The following COL4A3 variants were observed in gnomAD, a reference collection of about 807,000 sequenced individuals.
The protein encoded by COL4A3 is collagen type IV alpha 3 chain.
A neutral mutation model predicts 217.4 loss-of-function variants in COL4A3; 135 were observed. The observed-to-expected ratio is 0.62, with a 90% CI of 0.54 to 0.72. The LOEUF is 0.72. Among genes scored for constraint, COL4A3 ranks in the 30% least tolerant of loss-of-function variants. The probability of loss-of-function intolerance (pLI) is 0.00; values close to 1 mark genes in which losing one functional copy is unlikely to be tolerated. For missense variants in COL4A3, 1,868 were observed against 2,119.9 expected (o/e 0.88, Z 2.33); for synonymous variants, 690 against 736.3 (o/e 0.94, Z 1.02).
Position 227,240,110 on chromosome 2 carries a change from T to C in COL4A3, c.145-33T>C, listed in dbSNP as rs984995489. 47 of 1,533,478 alleles carry C rather than the reference T, an allele frequency of 3.1e-5. 1 individual carries two copies. Among genetic ancestry groups the C allele is most frequent in the Non-Finnish European group, 4.2e-5 (47 of 1,120,192 alleles). The allele number at this position is 1,533,478 out of a possible 1,614,324, so 95.0% of individuals were successfully genotyped here. A position where few individuals can be genotyped will look rare whatever the true frequency, so the allele number is the denominator to read the frequency against. On this transcript the variant is annotated intron_variant, in intron 2 of 51. Coordinates refer to ENST00000396578, the MANE Select transcript of COL4A3 (RefSeq NM_000091.5). ...GTTTATTGTGGGATAGTTGCTGCTCTGTGTGTTTCTCACCTCGTTTTGGTT... is the reference window on the plus strand; with the variant it reads ...GTTTATTGTGGGATAGTTGCTGCTCCGTGTGTTTCTCACCTCGTTTTGGTT...
intron 1 of COL4A3, chr2:227,227,690 C>T (rs6756898): frequency 0.71 from 107,093 of 151,768 alleles, 38,333 homozygotes; most frequent in Admixed American, 0.79. Flanking sequence ...GAGCTTATAA[C>T]AGTACCTCCC....
In COL4A3 at chr2:227,253,578, A is replaced by AG; in HGVS notation, c.707dup (p.Pro237ThrfsTer17). The AG allele has an allele frequency of 6.2e-7, 1 of 1,614,064 alleles. No individual in the cohort carries two copies. The highest frequency in any genetic ancestry group is 8.5e-7 in the Non-Finnish European group (1 of 1,179,918). ...GTCTTTAGGGTGTGAAAGGGTTAAC[A>AG]GGACCCCCGGGACCACCAGGAACAG... On this transcript the variant is annotated frameshift_variant, in exon 13 of 52. Transcript: ENST00000396578. LOFTEE classifies it high-confidence loss of function. This position sits in a 1 kb window ranked among gnomAD's most constrained non-coding sequence, Gnocchi z 4.4.
At chr2:227,171,476 A>G (rs1407463952) in intron 1 of COL4A3, among the ~76,000 whole-genome samples, 1 of 152,180 alleles carries the variant, frequency 6.6e-6, no homozygotes, top group African/African-American at 2.4e-5. Context: ...TTGAGGTGTT[A>G]AATAACTGAC....
intron 1 of COL4A3, among the ~76,000 whole-genome samples, chr2:227,215,319 T>C (rs907456578): frequency 1.3e-5 from 2 of 152,114 alleles, no homozygotes; most frequent in African/African-American, 4.8e-5. Context: ...ACTTCCAGAA[T>C]TTCTGTGCAT....
chr2:227,164,862 C>T lies in COL4A3; in HGVS notation c.87+49C>T, dbSNP rs954183558. The T allele has an allele frequency of 2.1e-6, 3 of 1,450,088 alleles. No individual in the cohort carries two copies. Among genetic ancestry groups the T allele is most frequent in the African/African-American group, 3.0e-5 (2 of 67,180 alleles). 89.8% of individuals were successfully genotyped at this position (1,450,088 alleles called of 1,614,324 possible). On this transcript the variant is annotated intron_variant, in intron 1 of 51. Transcript: ENST00000396578. The surrounding 1 kb of genome is among the most constrained non-coding windows in gnomAD (Gnocchi z 4.8). ...CACCCCCGCACTTCCATCCCTCCTC[C>T]ACGCGTCCGGGGGACGCGCTGGCCC...
At chr2:227,248,204 T>C (rs934950698) in intron 8 of COL4A3, 2 of 426,942 alleles carry the variant, frequency 4.7e-6, no homozygotes, top group African/African-American at 4.1e-5. Flanking sequence ...TCTCCCAAAG[T>C]GCTGGGATTA....
chr2:227,237,081 G>A (rs2068744748), intron 1 of COL4A3, among the ~76,000 whole-genome samples: 1 of 152,170 alleles, frequency 6.6e-6, no homozygotes, highest in African/African-American at 2.4e-5. Context: ...TGAGGGCTGG[G>A]GGGTAAGTGT....
intron 1 of COL4A3, among the ~76,000 whole-genome samples, chr2:227,185,904 T>C (rs978096984): frequency 5.9e-5 from 9 of 152,216 alleles, no homozygotes; most frequent in African/African-American, 1.7e-4. Context: ...TGTGAAAACA[T>C]TGCCTCAGAC....
Position 227,290,050 on chromosome 2 carries a change from G to A in COL4A3, c.3032G>A (p.Arg1011His), listed in dbSNP as rs772164474. ...STGNPGEPGL[R>H]GIPGSMGNMG... The stretch of plus-strand genomic sequence containing the variant: ...GGGAATCCTGGAGAACCAGGACTGC[G>A]TGGTATACCAGGAAGCATGGGGAAC... Residue 1011 changes from arginine (R) to histidine (H), a missense_variant, in exon 36 of 52, where the codon CGT becomes CAT. Physicochemically the swap from Arg to His is conservative, Grantham distance 29 (BLOSUM62 0). This residue lies in a region of COL4A3 where 1,503 missense variants were observed against 1,786.1 expected (regional missense o/e 0.84). Transcript: ENST00000396578. 29 of 1,614,072 alleles carry A rather than the reference G, an allele frequency of 1.8e-5. No individual in the cohort carries two copies. Among genetic ancestry groups the A allele is most frequent in the Admixed American group, 6.7e-5 (4 of 60,006 alleles).
chr2:227,259,348 T>C (rs1483542921), intron 18 of COL4A3: 11 of 156,638 alleles, frequency 7.0e-5, no homozygotes, highest in Non-Finnish European at 1.1e-4. Flanking sequence ...ACTTCCAAAA[T>C]GGAAATAAGT....
At chr2:227,212,415 A>G (rs1393280946) in intron 1 of COL4A3, among the ~76,000 whole-genome samples, 1 of 152,126 alleles carries the variant, frequency 6.6e-6, no homozygotes, top group Non-Finnish European at 1.5e-5. Flanking sequence ...TGGCTTTTCC[A>G]TTTGAGTCCT....
intron 38 of COL4A3, chr2:227,294,101 A>G (rs554500067): frequency 7.7e-5 from 22 of 287,204 alleles, no homozygotes; most frequent in Non-Finnish European, 1.5e-4. Context: ...TTAGCTTACA[A>G]TTCAGGTTTA....
rs767668198 is a variant in COL4A3, at chr2:227,313,788, T to G, written c.*1918T>G. On this transcript the variant is annotated 3_prime_UTR_variant, in exon 52 of 52. Transcript: ENST00000396578. Reference sequence around the variant, plus strand: ...ATGTCTTATTGTCCCAAGTGTACTATAGCGGCATATAGAGCTAGCTAATCT... The same window carrying G: ...ATGTCTTATTGTCCCAAGTGTACTAGAGCGGCATATAGAGCTAGCTAATCT... 6.6e-6 allele frequency: 1 copy of G among 152,284 alleles called. No individual in the cohort carries two copies. The highest frequency in any genetic ancestry group is 1.5e-5 in the Non-Finnish European group (1 of 68,048). The allele number at this position is 152,284 out of a possible 1,614,324, so 9.4% of individuals were successfully genotyped here. A position where few individuals can be genotyped will look rare whatever the true frequency, so the allele number is the denominator to read the frequency against.
rs758263449 is a variant in COL4A3, at chr2:227,253,266, A to G, written c.646-30A>G. 5 of 1,595,914 alleles carry G rather than the reference A, an allele frequency of 3.1e-6. No homozygotes were observed. The highest frequency in any genetic ancestry group is 4.3e-6 in the Non-Finnish European group (5 of 1,163,710). On this transcript the variant is annotated intron_variant, in intron 11 of 51. Coordinates refer to ENST00000396578, the MANE Select transcript of COL4A3 (RefSeq NM_000091.5). This position sits in a 1 kb window ranked among gnomAD's most constrained non-coding sequence, Gnocchi z 4.4. The stretch of plus-strand genomic sequence containing the variant: ...ACTATTTATTCATATTTATTTTTAG[A>G]AAATAATTTGGTTTTGTGTTTTCTT...
intron 1 of COL4A3, among the ~76,000 whole-genome samples, chr2:227,171,904 G>A (rs780244833): frequency 2.0e-5 from 3 of 152,174 alleles, no homozygotes; most frequent in African/African-American, 7.2e-5. Context: ...GTTTTTATAC[G>A]TTGGCATACT....
intron 26 of COL4A3, 37 bp from the exon 27 acceptor site, chr2:227,276,348 T>C: frequency 1.4e-6 from 2 of 1,432,652 alleles, no homozygotes; most frequent in Non-Finnish European, 2.0e-6. Flanking sequence ...CAAGCTTCAA[T>C]ATATACCCCA....
intron 1 of COL4A3, among the ~76,000 whole-genome samples, chr2:227,192,969 A>C (rs1442562847): frequency 1.3e-5 from 2 of 152,222 alleles, no homozygotes; most frequent in Non-Finnish European, 2.9e-5. Flanking sequence ...TCAGCATAAA[A>C]TCACTCTATC....
chr2:227,305,371 C>A, intron 47 of COL4A3: 1 of 374,550 alleles, frequency 2.7e-6, no homozygotes, highest in Non-Finnish European at 5.1e-6. Context: ...TCAAAAAGGC[C>A]AATACCTGTT....
At position 227,216,812 on chromosome 2, in the gene COL4A3, C is replaced by A. The variant is rs367637375; in HGVS notation, c.88-21156C>A. Among the ~76,000 whole-genome samples, 3 of 152,158 alleles carry A rather than the reference C, an allele frequency of 2.0e-5. No individual in the cohort carries two copies. The East Asian group carries it at 5.8e-4, about 29-fold the overall frequency. On this transcript the variant is annotated intron_variant, in intron 1 of 51. Transcript: ENST00000396578. ...TGTTCAGGAAAGGAGGATTATGTCACTTTCAGTCTGTTTACAAGGCAGGAG... is the reference window on the plus strand; with the variant it reads ...TGTTCAGGAAAGGAGGATTATGTCAATTTCAGTCTGTTTACAAGGCAGGAG...
Sources: allele counts gnomAD v4.1 joint callset (sites outside exome capture counted in the v4.1 genomes callset), GRCh38; gene constraint gnomAD v4.1.1; regional missense constraint gnomAD v4.1.1; non-coding constraint Gnocchi (gnomAD v3.1); transcripts MANE v1.5; gene names NCBI Gene and HGNC (gene_info 2026-07-23, HGNC 2026-07-21).